PCDH15: variants seen among roughly 807,000 people sequenced by gnomAD.
PCDH15 encodes protocadherin related 15, also known as protocadherin-15.
A neutral mutation model predicts 178.5 loss-of-function variants in PCDH15; 129 were observed. The ratio of observed to expected loss-of-function variants is 0.72; its 90% confidence interval spans 0.63 to 0.84. PCDH15 has a LOEUF of 0.84. Among genes scored for constraint, PCDH15 ranks in the 40% least tolerant of loss-of-function variants. The pLI is 0.00. For synonymous variants in PCDH15, 800 were observed against 732.0 expected (o/e 1.09, Z -1.50); for missense variants, 2,230 against 2,099.9 (o/e 1.06, Z -1.21).
intron 18 of PCDH15, among the ~76,000 whole-genome samples, chr10:54,065,014 G>A (rs1260658228): frequency 1.3e-5 from 2 of 152,314 alleles, no homozygotes; most frequent in South Asian, 2.1e-4. Flanking sequence ...TGTAGCTGGT[G>A]TCTTTGCAGT....
At chr10:53,965,670 C>T (rs1360790941) in intron 21 of PCDH15, among the ~76,000 whole-genome samples, 2 of 152,116 alleles carry the variant, frequency 1.3e-5, no homozygotes, top group Non-Finnish European at 2.9e-5. Flanking sequence ...CAAGTCACCT[C>T]CAGAACAGGA....
In PCDH15 at chr10:54,370,379, C is replaced by T. The variant is rs184446183; in HGVS notation, c.319-1104G>A. On this transcript the variant is annotated intron_variant, in intron 4 of 37. Coordinates refer to ENST00000644397, the MANE Select transcript of PCDH15 (RefSeq NM_001384140.1). ...TATTTTTCTTTATTGCATTTCTCAC[C>T]GAAAATTTGGCTCGTTGTATATTTT... Among the ~76,000 whole-genome samples the T allele has an allele frequency of 1.2e-3, 185 of 151,876 alleles. 1 individual carries two copies. The highest frequency in any genetic ancestry group is 9.8e-3 in the Admixed American group (148 of 15,152).
chr10:55,275,162 T>A (rs866917185), intron 1 of PCDH15, among the ~76,000 whole-genome samples: 2 of 151,624 alleles, frequency 1.3e-5, no homozygotes, highest in Non-Finnish European at 2.9e-5. Context: ...TCTTCAATTT[T>A]GCAATCTGTT....
At chr10:54,293,631 A>G (rs1399623603) in intron 8 of PCDH15, among the ~76,000 whole-genome samples, 1 of 151,418 alleles carries the variant, frequency 6.6e-6, no homozygotes, top group East Asian at 1.9e-4. Context: ...GACAAAAACA[A>G]AAAAACCCAT....
At chr10:54,289,545 CTT>C (rs2059261091) in intron 8 of PCDH15, among the ~76,000 whole-genome samples, 1 of 152,154 alleles carries the variant, frequency 6.6e-6, no homozygotes, top group Non-Finnish European at 1.5e-5. Context: ...TGGAGAATGA[CTT>C]TGATGAGTTG....
At chr10:54,233,932 G>A (rs913432899) in intron 9 of PCDH15, among the ~76,000 whole-genome samples, 8 of 152,112 alleles carry the variant, frequency 5.3e-5, no homozygotes, top group Admixed American at 6.5e-5. Flanking sequence ...GGATGACCTC[G>A]TCATAGACAT....
rs190627690 is a variant in PCDH15 at position 55,512,081 on chromosome 10, A to T, written c.-156+115544T>A. On this transcript the variant is annotated intron_variant, in intron 2 of 5. Coordinates refer to the PCDH15 transcript ENST00000613346. ...GTTCCATTAAAGTAAACAAACTTTA[A>T]TAAGATGCAATTAAAGAGGTGCTGG... Among the ~76,000 whole-genome samples, 232 of 152,198 alleles carry T rather than the reference A, an allele frequency of 1.5e-3. 1 individual carries two copies. The highest frequency in any genetic ancestry group is 5.1e-3 in the African/African-American group (214 of 41,566).
chr10:54,205,737 C>A (rs865781354), intron 10 of PCDH15, among the ~76,000 whole-genome samples: 1 of 151,904 alleles, frequency 6.6e-6, no homozygotes, highest in Admixed American at 6.6e-5. Flanking sequence ...TCCTTTTATT[C>A]AAAATTTAAT....
At chr10:55,313,688 A>C (rs1357991962) in intron 1 of PCDH15, among the ~76,000 whole-genome samples, 1 of 152,194 alleles carries the variant, frequency 6.6e-6, no homozygotes, top group African/African-American at 2.4e-5. Context: ...TTGATTAATT[A>C]TATTGCACAT....
rs1185387419 is a variant in PCDH15, at chr10:53,804,721, A to AATCT, written c.*1854_*1857dup. 3.9e-5 allele frequency: 6 copies of AATCT among 152,010 alleles called. No individual in the cohort carries two copies. The highest frequency in any genetic ancestry group is 1.4e-4 in the African/African-American group (6 of 41,432). The allele number at this position is 152,010 out of a possible 1,614,324, so 9.4% of individuals were successfully genotyped here. A position where few individuals can be genotyped will look rare whatever the true frequency, so the allele number is the denominator to read the frequency against. ...TGAATTAGTAGGGAAATATATGCTTAATCTAATTCCTATACAAAGTATCCT... is the reference window on the plus strand; with the variant it reads ...TGAATTAGTAGGGAAATATATGCTTAATCTATCTAATTCCTATACAAAGTATCCT... On this transcript the variant is annotated 3_prime_UTR_variant, in exon 38 of 38. Transcript: ENST00000644397.
chr10:54,208,202 A>G (rs2134050453), intron 10 of PCDH15, among the ~76,000 whole-genome samples: 1 of 152,176 alleles, frequency 6.6e-6, no homozygotes, highest in African/African-American at 2.4e-5. Flanking sequence ...TACTAATAAC[A>G]AGTAATGCCT....
At chr10:54,128,762 T>C (rs972821013) in intron 15 of PCDH15, among the ~76,000 whole-genome samples, 1 of 152,236 alleles carries the variant, frequency 6.6e-6, no homozygotes, top group Admixed American at 6.5e-5. Context: ...TTCAGGTTCT[T>C]ATCTGTATTC....
chr10:55,341,258 T>C (rs1844548434), intron 2 of PCDH15, among the ~76,000 whole-genome samples: 1 of 151,992 alleles, frequency 6.6e-6, no homozygotes, highest in African/African-American at 2.4e-5. Context: ...TATACACATT[T>C]ATCCTATGTA....
upstream of PCDH15, among the ~76,000 whole-genome samples, chr10:54,804,261 G>T (rs1352242943): frequency 6.6e-6 from 1 of 152,054 alleles, no homozygotes; most frequent in Non-Finnish European, 1.5e-5. Flanking sequence ...GGATGGTCTC[G>T]ATCTCCTGAC....
chr10:54,575,917 G>GT (rs2090427601), intron 2 of PCDH15, among the ~76,000 whole-genome samples: 2 of 152,162 alleles, frequency 1.3e-5, no homozygotes, highest in South Asian at 4.1e-4. Flanking sequence ...TTGCTAGGGA[G>GT]TAACTACAGT....
intron 2 of PCDH15, among the ~76,000 whole-genome samples, chr10:54,922,651 C>A (rs993551317): frequency 4.6e-5 from 7 of 152,002 alleles, no homozygotes; most frequent in African/African-American, 1.7e-4. Context: ...TGTCCCTACC[C>A]AAATCTCATG....
intron 8 of PCDH15, among the ~76,000 whole-genome samples, chr10:54,288,110 T>C (rs534355078): frequency 6.6e-6 from 1 of 151,988 alleles, no homozygotes; most frequent in Admixed American, 6.6e-5. Context: ...GATCATGAGG[T>C]CAGGAGTTCA....
At chr10:54,054,187 G>A (rs958294706) in intron 18 of PCDH15, among the ~76,000 whole-genome samples, 2 of 152,124 alleles carry the variant, frequency 1.3e-5, no homozygotes, top group African/African-American at 4.8e-5. Flanking sequence ...ATTTGAGGCT[G>A]TAGCTTAAAG....
intron 17 of PCDH15, among the ~76,000 whole-genome samples, chr10:54,069,429 T>A (rs2094198382): frequency 1.3e-5 from 2 of 152,212 alleles, no homozygotes; most frequent in Non-Finnish European, 2.9e-5. Flanking sequence ...AATTTTGTGC[T>A]AATAGGGGAT....
Sources: allele counts gnomAD v4.1 joint callset (sites outside exome capture counted in the v4.1 genomes callset), GRCh38; gene constraint gnomAD v4.1.1; transcripts MANE v1.5; gene names NCBI Gene and HGNC (gene_info 2026-07-23, HGNC 2026-07-21).